Variants in KLF8 observed in about 807,000 individuals in gnomAD.
KLF8 encodes the protein Krueppel-like factor 8.
A neutral mutation model predicts 18.2 loss-of-function variants in KLF8; 10 were observed. The observed-to-expected ratio is 0.55, with a 90% CI of 0.34 to 0.93. KLF8 has a LOEUF of 0.93. Among genes scored for constraint, KLF8 ranks in the 40% least tolerant of loss-of-function variants. The pLI, the probability that KLF8 is intolerant of heterozygous loss-of-function variation, is 0.02. For missense variants in KLF8, 264 were observed against 277.9 expected (o/e 0.95, Z 0.36); for synonymous variants, 109 against 97.3 (o/e 1.12, Z -0.71).
the KLF8 span, among the ~76,000 whole-genome samples, chrX:56,029,297 G>C: frequency 9.0e-6 from 1 of 111,420 alleles, no homozygotes. Context: ...AAAGAGCCCT[G>C]TTTTGTAAAG....
intron 5 of KLF8, among the ~76,000 whole-genome samples, chrX:56,278,659 T>C (rs2067155628): frequency 9.0e-6 from 1 of 111,631 alleles, no homozygotes; most frequent in Admixed American, 9.5e-5. Context: ...CTGATCCAGC[T>C]GATATCTTAA....
chrX:56,104,813 C>T, the KLF8 span, among the ~76,000 whole-genome samples: 8 of 111,083 alleles, frequency 7.2e-5, no homozygotes, highest in South Asian at 3.8e-4. Context: ...TGTTAGGGTG[C>T]CAATTTTAGA....
the KLF8 span, among the ~76,000 whole-genome samples, chrX:55,978,069 A>C: frequency 1.4e-4 from 16 of 110,347 alleles, no homozygotes; most frequent in South Asian, 3.9e-4. Flanking sequence ...CTCTCTCTAT[A>C]TATATATAGA....
chrX:56,174,181 A>G, the KLF8 span, among the ~76,000 whole-genome samples: 1 of 111,924 alleles, frequency 8.9e-6, no homozygotes, highest in Non-Finnish European at 1.9e-5. Context: ...GTGAGTTTTC[A>G]AAAGGAATGC....
the KLF8 span, among the ~76,000 whole-genome samples, chrX:56,199,989 A>C: frequency 9.0e-6 from 1 of 111,530 alleles, no homozygotes; most frequent in Non-Finnish European, 1.9e-5. Context: ...GGACAAAAAA[A>C]CCAAACACTA....
At chrX:56,122,726 A>G in the KLF8 span, among the ~76,000 whole-genome samples, 3 of 110,014 alleles carry the variant, frequency 2.7e-5, no homozygotes, top group African/African-American at 9.9e-5. Flanking sequence ...TTGTAATGTT[A>G]CTCCCTGGAG....
the KLF8 span, among the ~76,000 whole-genome samples, chrX:56,034,914 C>T: frequency 1.9e-5 from 2 of 106,365 alleles, no homozygotes; most frequent in Non-Finnish European, 3.9e-5. Flanking sequence ...CGCTACCACG[C>T]CCGGCTAATT....
chrX:56,089,703 A>G, the KLF8 span, among the ~76,000 whole-genome samples: 2 of 112,219 alleles, frequency 1.8e-5, no homozygotes, highest in African/African-American at 3.2e-5. Flanking sequence ...TTCCATAAAG[A>G]TGAGTACTGG....
At chrX:56,017,135 C>T in the KLF8 span, among the ~76,000 whole-genome samples, 1 of 112,043 alleles carries the variant, frequency 8.9e-6, no homozygotes, top group African/African-American at 3.2e-5. Flanking sequence ...AAAGTCTAAC[C>T]TGAAGGGAAT....
chrX:56,046,482 G>A, the KLF8 span, among the ~76,000 whole-genome samples: 5 of 110,814 alleles, frequency 4.5e-5, no homozygotes, highest in Non-Finnish European at 9.4e-5. Flanking sequence ...GCATTTTTCA[G>A]TGTGTTTTTG....
At chrX:55,954,707 T>C in the KLF8 span, among the ~76,000 whole-genome samples, 2 of 111,681 alleles carry the variant, frequency 1.8e-5, no homozygotes, top group Non-Finnish European at 3.8e-5. Context: ...GAAATGAAAA[T>C]ATATATCCAC....
chrX:55,971,000 G>T, the KLF8 span, among the ~76,000 whole-genome samples: 2 of 111,485 alleles, frequency 1.8e-5, no homozygotes, highest in Admixed American at 9.5e-5. Context: ...AAGGTAGTCT[G>T]CAGATTAAAT....
chrX:56,040,512 C>T, the KLF8 span, among the ~76,000 whole-genome samples: 8 of 111,935 alleles, frequency 7.1e-5, no homozygotes, highest in South Asian at 7.3e-4. Flanking sequence ...GTTCTGTTTA[C>T]GTGATTAATC....
chrX:56,146,747 T>C, the KLF8 span, among the ~76,000 whole-genome samples: 1 of 108,712 alleles, frequency 9.2e-6, no homozygotes. Flanking sequence ...GAAAAAGAGG[T>C]ACAAGATAGT....
the KLF8 span, among the ~76,000 whole-genome samples, chrX:56,048,408 A>G: frequency 7.1e-5 from 8 of 111,961 alleles, no homozygotes; most frequent in African/African-American, 2.6e-4. Context: ...TAGGACTAAC[A>G]TGTAAGTCTT....
chrX:56,036,742 T>A, the KLF8 span, among the ~76,000 whole-genome samples: 1 of 111,872 alleles, frequency 8.9e-6, no homozygotes, highest in African/African-American at 3.2e-5. Flanking sequence ...AGATAGGAGT[T>A]GCATTTAATT....
At chrX:56,057,055 CTA>C in the KLF8 span, among the ~76,000 whole-genome samples, 58,106 of 109,586 alleles carry the variant, frequency 0.53, 13,715 homozygotes, top group East Asian at 0.76. Flanking sequence ...GGGACTGCCT[CTA>C]TGTGAGTGTT....
intron 1 of KLF8, among the ~76,000 whole-genome samples, chrX:56,235,416 ATT>A (rs58959695): frequency 2.3e-5 from 2 of 87,700 alleles, no homozygotes; most frequent in Admixed American, 1.4e-4. Context: ...ATTCTTCCTG[ATT>A]TTTTTTTTTT....
chrX:56,102,977 T>G, the KLF8 span, among the ~76,000 whole-genome samples: 1 of 102,022 alleles, frequency 9.8e-6, no homozygotes, highest in African/African-American at 3.6e-5. Context: ...GATTAAACCG[T>G]TGACCATTGG....
Sources: allele counts gnomAD v4.1 joint callset (sites outside exome capture counted in the v4.1 genomes callset), GRCh38; gene constraint gnomAD v4.1.1; transcripts MANE v1.5; gene names NCBI Gene and HGNC (gene_info 2026-07-23, HGNC 2026-07-21).